ABHD4: variants seen among roughly 807,000 people sequenced by gnomAD.
The protein encoded by ABHD4 is abhydrolase domain containing 4, N-acyl phospholipase B, also known as (Lyso)-N-acylphosphatidylethanolamine lipase.
A neutral mutation model predicts 42.3 loss-of-function variants in ABHD4; 35 were observed. The observed-to-expected ratio is 0.83, with a 90% CI of 0.63 to 1.10. The LOEUF (loss-of-function observed/expected upper bound fraction) is 1.10, where lower values mean the gene tolerates loss of function less well. Ranked by LOEUF, ABHD4 falls within the 50% of genes least tolerant of loss-of-function variation. The pLI is 0.00. For missense variants in ABHD4, 389 were observed against 454.8 expected (o/e 0.86, Z 1.32); for synonymous variants, 169 against 170.6 (o/e 0.99, Z 0.07).
At chr14:22,610,791 A>G in intron 6 of ABHD4, 68 bp from the exon 7 acceptor site, 1 of 1,289,986 alleles carries the variant, frequency 7.8e-7, no homozygotes, top group Non-Finnish European at 1.1e-6. Flanking sequence ...GGGAAAAGAA[A>G]TAGCGTGAAG....
chr14:22,609,888 C>T lies in ABHD4; in HGVS notation c.917C>T (p.Pro306Leu), dbSNP rs1244872375. 2.4e-5 allele frequency: 39 copies of T among 1,613,812 alleles called. No homozygotes were observed. Among genetic ancestry groups the T allele is most frequent in the Non-Finnish European group, 3.1e-5 (37 of 1,180,002 alleles). The change falls in exon 6 of 7, where the codon CCG becomes CTG. Residue 306 changes from proline to leucine, a missense_variant. By Grantham distance (98) the Pro-to-Leu change is moderately conservative (BLOSUM62 -3). Around this residue, in one of 3 missense-constraint regions of ABHD4, gnomAD observed 249 missense variants for 254.4 expected, o/e 0.98. Transcript: ENST00000428304. The stretch of plus-strand genomic sequence containing the variant: ...GGAAAAAAGGTGAAGATGCAGCGGC[C>T]GGATTCCTATGTCCGAGACATGGTA... Reference protein sequence around the residue: ...STGKKVKMQRPDSYVRDMEIK... With the variant: ...STGKKVKMQRLDSYVRDMEIK...
At chr14:22,605,514 G>A (rs1320694960) in intron 4 of ABHD4, among the ~76,000 whole-genome samples, 5 of 152,196 alleles carry the variant, frequency 3.3e-5, no homozygotes, top group Non-Finnish European at 5.9e-5. Context: ...ACCAAGACAC[G>A]GGTGCCAAAG....
Position 22,603,457 on chromosome 14 carries a change from T to A in ABHD4, c.180T>A (p.Thr60=), listed in dbSNP as rs1036525547. The A allele has an allele frequency of 1.2e-6, 2 of 1,614,206 alleles. No individual in the cohort carries two copies. The highest frequency in any genetic ancestry group is 8.5e-7 in the Non-Finnish European group (1 of 1,180,020). The change falls in exon 3 of 7, where the codon ACT becomes ACA. Residue 60 remains threonine (T), a synonymous_variant. Coordinates refer to ENST00000428304, the MANE Select transcript of ABHD4 (RefSeq NM_022060.3). ...LPNQNKIWTV[T]VSPEQNDRTP... ...ACCAGAATAAGATCTGGACGGTGAC[T>A]GTGAGCCCCGAGCAAAACGACCGCA...
At chr14:22,606,180 C>T (rs890214494) in intron 4 of ABHD4, among the ~76,000 whole-genome samples, 1 of 152,138 alleles carries the variant, frequency 6.6e-6, no homozygotes, top group Non-Finnish European at 1.5e-5. Context: ...AACCTGGCTC[C>T]TCAGTGTTGT....
chr14:22,609,728 G>A lies in ABHD4; in HGVS notation c.757G>A (p.Glu253Lys). The stretch of plus-strand genomic sequence containing the variant: ...TTGCTGTTTTGCTTTTGACAGTGGT[G>A]AGACAGCATTCAAAGCCATGATGGA... The part of the protein sequence containing the change: ...YHCNAQNPSG[E>K]TAFKAMMESF... Residue 253 changes from glutamate to lysine, a missense_variant, in exon 6 of 7, where the codon GAG becomes AAG. Transcript: ENST00000428304. 1 of 1,613,656 alleles carries A rather than the reference G, an allele frequency of 6.2e-7. No homozygotes were observed. Among genetic ancestry groups the A allele is most frequent in the South Asian group, 1.1e-5 (1 of 91,050 alleles).
At position 22,604,339 on chromosome 14, in the gene ABHD4, C is replaced by T. The variant is rs1261804261; in HGVS notation, c.640+260C>T. The T allele has an allele frequency of 1.2e-5, 4 of 327,044 alleles. No individual in the cohort carries two copies. The South Asian group carries it at 1.8e-4, about 14-fold the overall frequency. 20.3% of individuals were successfully genotyped at this position (327,044 alleles called of 1,614,324 possible). A position where few individuals can be genotyped will look rare whatever the true frequency, so the allele number is the denominator to read the frequency against. On this transcript the variant is annotated intron_variant, in intron 4 of 6. Coordinates refer to ENST00000428304, the MANE Select transcript of ABHD4 (RefSeq NM_022060.3). Reference sequence around the variant, plus strand: ...GATCTCGGCTCACTGCAAGCTCCGCCTCCCAGGTTCATGCCATTCTCCTGC... The same window carrying T: ...GATCTCGGCTCACTGCAAGCTCCGCTTCCCAGGTTCATGCCATTCTCCTGC...
chr14:22,605,739 A>AC (rs1816240644), intron 4 of ABHD4: 4 of 1,099,406 alleles, frequency 3.6e-6, no homozygotes, highest in Non-Finnish European at 4.9e-6. Context: ...TCCTCATGGC[A>AC]CCCCCAACCC....
At chr14:22,598,519 G>T in intron 1 of ABHD4, 190 bp downstream of exon 1, 2 of 1,506,700 alleles carry the variant, frequency 1.3e-6, no homozygotes, top group Non-Finnish European at 1.8e-6. Context: ...GGCTGAGCCT[G>T]GGGAGCCATG....
rs1217179738 is a variant in ABHD4 at position 22,601,686 on chromosome 14, AGCTGGCT to A, written c.46_52del (p.Trp16ProfsTer11). ...TCCCAGGTCTCAAGGCTGGCTGAGT[AGCTGGCT>A]GCCCACGTGGCGCCCCACTTCCATG... On this transcript the variant is annotated frameshift_variant, in exon 2 of 7. Coordinates refer to ENST00000428304, the MANE Select transcript of ABHD4 (RefSeq NM_022060.3). LOFTEE classifies it high-confidence loss of function. 6.2e-7 allele frequency: 1 copy of A among 1,614,156 alleles called. No individual in the cohort carries two copies. The highest frequency in any genetic ancestry group is 1.1e-5 in the South Asian group (1 of 91,084).
intron 5 of ABHD4, 61 bp downstream of exon 5, chr14:22,606,594 C>T (rs1254454939): frequency 2.6e-6 from 3 of 1,172,642 alleles, no homozygotes; most frequent in Non-Finnish European, 3.7e-6. Flanking sequence ...AAACTCTTAG[C>T]TGCTGGAGTT....
In ABHD4 at chr14:22,604,018, C is replaced by T. The variant is rs372423096; in HGVS notation, c.579C>T (p.Ala193=). The T allele has an allele frequency of 1.7e-5, 28 of 1,614,086 alleles. No homozygotes were observed. Among genetic ancestry groups the T allele is most frequent in the Non-Finnish European group, 2.4e-5 (28 of 1,180,042 alleles). Residue 193 remains alanine (A), a synonymous_variant, in exon 4 of 7, where the codon GCC becomes GCT. Transcript: ENST00000428304. ...GTGCACCCCCAGCCTGGGTCAAAGC[C>T]GTGGCATCTGTCCTAGGACGTTCCA... is the stretch of plus-strand genomic sequence containing the variant. ...EIRAPPAWVK[A]VASVLGRSNP...
chr14:22,610,144 G>A (rs1033407193), intron 6 of ABHD4, among the ~76,000 whole-genome samples: 4 of 151,904 alleles, frequency 2.6e-5, no homozygotes, highest in East Asian at 3.9e-4. Flanking sequence ...TGCAACCTCC[G>A]CCTCCCGGGT....
chr14:22,607,609 C>T (rs988281565), intron 5 of ABHD4, among the ~76,000 whole-genome samples: 2 of 152,172 alleles, frequency 1.3e-5, no homozygotes, highest in African/African-American at 4.8e-5. Flanking sequence ...ATAGAAACTC[C>T]CAGCTCAGCA....
intron 4 of ABHD4, chr14:22,605,710 A>T: frequency 1.4e-6 from 1 of 691,170 alleles, no homozygotes; most frequent in Non-Finnish European, 2.3e-6. Flanking sequence ...TGCAGGAGGG[A>T]GGGCCAGGCC....
rs751370997 is a variant in ABHD4, at chr14:22,601,653, T to TCTCTGA, written c.24-11_24-10insTGACTC. 1.7e-5 allele frequency: 27 copies of TCTCTGA among 1,612,352 alleles called. No individual in the cohort carries two copies. In the South Asian group the frequency reaches 3.0e-4, roughly 18 times the overall value. ...CCAATGTTGCCAATGAGTGTCTCTG[T>TCTCTGA]CTCCTCCTCCCAGGTCTCAAGGCTG... On this transcript the variant is annotated splice_polypyrimidine_tract_variant and intron_variant, in intron 1 of 6. Coordinates refer to ENST00000428304, the MANE Select transcript of ABHD4 (RefSeq NM_022060.3).
chr14:22,599,727 T>A (rs1460186002), intron 1 of ABHD4, among the ~76,000 whole-genome samples: 4 of 152,232 alleles, frequency 2.6e-5, no homozygotes, highest in Non-Finnish European at 5.9e-5. Flanking sequence ...GGTGTTATGA[T>A]CTGACTTGTC....
At chr14:22,603,265 A>G in intron 2 of ABHD4, 125 bp from the exon 3 acceptor site, 1 of 1,227,206 alleles carries the variant, frequency 8.1e-7, no homozygotes, top group Non-Finnish European at 1.1e-6. Flanking sequence ...TTGTGAGAGG[A>G]AGGAGCTGAG....
chr14:22,605,921 A>T (rs1476690115), intron 4 of ABHD4: 15 of 951,708 alleles, frequency 1.6e-5, no homozygotes, highest in Non-Finnish European at 2.9e-6. Flanking sequence ...CAGTGCCCTG[A>T]GTCTGAGACA....
intron 1 of ABHD4, among the ~76,000 whole-genome samples, chr14:22,600,370 C>T (rs553446002): frequency 5.9e-5 from 9 of 152,198 alleles, no homozygotes; most frequent in Non-Finnish European, 1.2e-4. Flanking sequence ...ATAAGGGGCT[C>T]TAGTTCTGGT....
Sources: allele counts gnomAD v4.1 joint callset (sites outside exome capture counted in the v4.1 genomes callset), GRCh38; gene constraint gnomAD v4.1.1; regional missense constraint gnomAD v4.1.1; transcripts MANE v1.5; gene names NCBI Gene and HGNC (gene_info 2026-07-23, HGNC 2026-07-21).